Variants in MAJIN observed in about 807,000 individuals in gnomAD.
MAJIN encodes membrane-anchored junction protein.
MAJIN carries 27 observed loss-of-function variants against 30.2 expected under a neutral mutation model. The ratio of observed to expected loss-of-function variants is 0.89; its 90% confidence interval spans 0.66 to 1.23. The LOEUF (loss-of-function observed/expected upper bound fraction) is 1.23. Ranked by LOEUF, MAJIN falls within the 50% of genes most tolerant of loss-of-function variation. MAJIN has a pLI of 0.00. For missense variants in MAJIN, 253 were observed against 260.3 expected, an observed-to-expected ratio of 0.97 and a Z score of 0.19; for synonymous variants, 78 against 91.6, an observed-to-expected ratio of 0.85 and a Z score of 0.85.
chr11:64,939,941 C>T (rs1293828004), intron 9 of MAJIN, 174 bp from the exon 10 acceptor site: 6 of 529,086 alleles, frequency 1.1e-5, no homozygotes, highest in African/African-American at 1.9e-5. Flanking sequence ...CAGTAAGATG[C>T]TATTCTGACC....
chr11:64,958,816 G>A (rs1485024441), intron 3 of MAJIN, among the ~76,000 whole-genome samples: 1 of 151,818 alleles, frequency 6.6e-6, no homozygotes, highest in African/African-American at 2.4e-5. Context: ...GTAGAGATGG[G>A]GTTTCACCAT....
chr11:64,947,639 G>A, intron 7 of MAJIN, 149 bp downstream of exon 7: 1 of 1,024,556 alleles, frequency 9.8e-7, no homozygotes, highest in Non-Finnish European at 1.5e-6. Flanking sequence ...ATCTAGCCAA[G>A]GGGGAAAATA....
intron 4 of MAJIN, chr11:64,954,233 T>C (rs886905821): frequency 3.0e-5 from 6 of 199,654 alleles, no homozygotes; most frequent in Admixed American, 1.1e-4. Flanking sequence ...ATTTGTAAAG[T>C]TGATCACCTG....
At chr11:64,941,513 C>G (rs186012301) in intron 8 of MAJIN, among the ~76,000 whole-genome samples, 1 of 151,996 alleles carries the variant, frequency 6.6e-6, no homozygotes, top group Admixed American at 6.6e-5. Context: ...AAAAATCAGC[C>G]GGGCGTGGTG....
At chr11:64,947,857 AC>A (rs149708893) in intron 6 of MAJIN, 38 bp from the exon 7 acceptor site, 10 of 1,400,142 alleles carry the variant, frequency 7.1e-6, no homozygotes, top group African/African-American at 1.6e-5. Context: ...TAGATTTAAG[AC>A]TTTTTTTTTT....
At chr11:64,958,184 AC>A (rs36084476) in intron 3 of MAJIN, among the ~76,000 whole-genome samples, 2 of 148,810 alleles carry the variant, frequency 1.3e-5, no homozygotes, top group African/African-American at 2.5e-5. Context: ...CTCATGATTC[AC>A]CCCCCCGCCC....
chr11:64,948,489 G>A, intron 6 of MAJIN, among the ~76,000 whole-genome samples: 1 of 148,470 alleles, frequency 6.7e-6, no homozygotes, highest in East Asian at 2.0e-4. Flanking sequence ...AAGTGCAGTG[G>A]TGTGATCTTG....
chr11:64,940,459 C>A, intron 9 of MAJIN, 115 bp downstream of exon 9: 1 of 1,032,294 alleles, frequency 9.7e-7, no homozygotes, highest in Non-Finnish European at 1.5e-6. Flanking sequence ...GGGAGCAAGG[C>A]ACATTACCCA....
At chr11:64,960,455 A>G (rs1945705094) in intron 1 of MAJIN, among the ~76,000 whole-genome samples, 1 of 152,198 alleles carries the variant, frequency 6.6e-6, no homozygotes, top group South Asian at 2.1e-4. Flanking sequence ...CTATAAGTCT[A>G]AATTTGATAG....
intron 1 of MAJIN, among the ~76,000 whole-genome samples, chr11:64,961,467 ATTTTTT>A (rs36053356): frequency 4.2e-4 from 25 of 59,152 alleles, no homozygotes; most frequent in Non-Finnish European, 5.8e-4. Context: ...GTGCCCGGCA[ATTTTTT>A]TTTTTTTTTT....
intron 1 of MAJIN, among the ~76,000 whole-genome samples, chr11:64,966,359 ACT>A (rs1391145932): frequency 6.6e-6 from 1 of 151,306 alleles, no homozygotes; most frequent in East Asian, 1.9e-4. Context: ...ACATGGTGAA[ACT>A]CTGTCTCTAC....
chr11:64,959,569 G>A, intron 2 of MAJIN, 147 bp from the exon 3 acceptor site: 2 of 620,284 alleles, frequency 3.2e-6, no homozygotes, highest in Non-Finnish European at 5.6e-6. Context: ...TCATCACTTG[G>A]AACATTCTCC....
chr11:64,947,779 CA>C lies in MAJIN; in HGVS notation c.381+8del. 6.2e-7 allele frequency: 1 copy of C among 1,611,584 alleles called. No individual in the cohort carries two copies. The highest frequency in any genetic ancestry group is 8.5e-7 in the Non-Finnish European group (1 of 1,178,820). On this transcript the variant is annotated splice_region_variant and intron_variant, in intron 7 of 10. Transcript: ENST00000301896. ...CAATTTTCATTTTGTACAGAAAAGGCAAACTTACCAACCCAAGAGGACTGTC... is the reference window on the plus strand; with the variant it reads ...CAATTTTCATTTTGTACAGAAAAGGCAACTTACCAACCCAAGAGGACTGTC...
At chr11:64,971,159 G>T (rs1355007836) in intron 1 of MAJIN, among the ~76,000 whole-genome samples, 1 of 152,154 alleles carries the variant, frequency 6.6e-6, no homozygotes, top group Non-Finnish European at 1.5e-5. Context: ...CGGGTATGGT[G>T]GCGGGCACCT....
chr11:64,941,181 C>G (rs1402598275), intron 8 of MAJIN, among the ~76,000 whole-genome samples: 35 of 152,140 alleles, frequency 2.3e-4, no homozygotes, highest in Admixed American at 2.3e-3. Context: ...TACTGTCCCT[C>G]TAAAACCATA....
At chr11:64,967,983 A>G (rs1462136974) in intron 1 of MAJIN, among the ~76,000 whole-genome samples, 1 of 152,160 alleles carries the variant, frequency 6.6e-6, no homozygotes, top group Non-Finnish European at 1.5e-5. Context: ...ATAAATCACA[A>G]CTGACTTGAG....
intron 1 of MAJIN, among the ~76,000 whole-genome samples, chr11:64,967,868 T>C (rs141362804): frequency 2.6e-5 from 4 of 152,172 alleles, no homozygotes; most frequent in Admixed American, 1.3e-4. Flanking sequence ...AATAAACAAA[T>C]ATAAATTGAG....
At chr11:64,969,555 A>G (rs1302232556) in intron 1 of MAJIN, among the ~76,000 whole-genome samples, 1 of 152,080 alleles carries the variant, frequency 6.6e-6, no homozygotes, top group Non-Finnish European at 1.5e-5. Context: ...AGAACAGATG[A>G]AAGGAGACCA....
intron 4 of MAJIN, among the ~76,000 whole-genome samples, chr11:64,952,078 G>A (rs1390752109): frequency 6.6e-6 from 1 of 152,064 alleles, no homozygotes; most frequent in Non-Finnish European, 1.5e-5. Context: ...TAGTAGAGAT[G>A]GGGTTTCGCC....
Sources: allele counts gnomAD v4.1 joint callset (sites outside exome capture counted in the v4.1 genomes callset), GRCh38; gene constraint gnomAD v4.1.1; transcripts MANE v1.5; gene names NCBI Gene and HGNC (gene_info 2026-07-23, HGNC 2026-07-21).